INPP4A: variants seen among roughly 807,000 people sequenced by gnomAD.
INPP4A encodes the protein inositol polyphosphate-4-phosphatase type I A, also known as inositol polyphosphate-4-phosphatase, type I, 107kD.
A neutral mutation model predicts 119.8 loss-of-function variants in INPP4A; 33 were observed. The observed-to-expected ratio is 0.28, with a 90% CI of 0.21 to 0.37. INPP4A has a LOEUF of 0.37. Ranked by LOEUF, INPP4A falls within the 10% of genes least tolerant of loss-of-function variation. The probability of loss-of-function intolerance (pLI) is 1.00; values close to 1 mark genes in which losing one functional copy is unlikely to be tolerated. For synonymous variants in INPP4A, 496 were observed against 500.7 expected (o/e 0.99, Z 0.12); for missense variants, 956 against 1,289.9 (o/e 0.74, Z 3.97).
intron 8 of INPP4A, 133 bp downstream of exon 8, chr2:98,538,107 A>G: frequency 1.6e-6 from 1 of 630,902 alleles, no homozygotes; most frequent in South Asian, 1.9e-5. Flanking sequence ...CTCCCCACGG[A>G]CACTCCGGTC....
At chr2:98,515,340 TTCTC>T (rs1219387627) in intron 1 of INPP4A, among the ~76,000 whole-genome samples, 1 of 152,112 alleles carries the variant, frequency 6.6e-6, no homozygotes, top group Non-Finnish European at 1.5e-5. Context: ...TCATTTTACT[TTCTC>T]TCTTGTGCTG....
At chr2:98,495,128 A>G (rs72821920) in intron 1 of INPP4A, among the ~76,000 whole-genome samples, 36,945 of 152,108 alleles carry the variant, frequency 0.24, 4,637 homozygotes, top group Middle Eastern at 0.35. Flanking sequence ...CAGAGTTGCT[A>G]CAGTGTCTTA....
chr2:98,474,973 G>C (rs1250202641), intron 1 of INPP4A, among the ~76,000 whole-genome samples: 2 of 152,016 alleles, frequency 1.3e-5, no homozygotes, highest in Non-Finnish European at 2.9e-5. Flanking sequence ...AGGAGACAAG[G>C]GTGTACACTG....
intron 14 of INPP4A, among the ~76,000 whole-genome samples, chr2:98,553,534 A>T (rs535584873): frequency 1.4e-4 from 22 of 152,084 alleles, no homozygotes; most frequent in Admixed American, 2.0e-4. Context: ...TCTCTCTCTC[A>T]GCGCACACAA....
intron 1 of INPP4A, among the ~76,000 whole-genome samples, chr2:98,468,374 T>C (rs1675222619): frequency 6.6e-6 from 1 of 152,106 alleles, no homozygotes; most frequent in Non-Finnish European, 1.5e-5. Context: ...TAGTTGGGAG[T>C]ACAGAAATGC....
At chr2:98,564,887 C>T in intron 19 of INPP4A, 124 bp downstream of exon 19, 3 of 1,195,510 alleles carry the variant, frequency 2.5e-6, no homozygotes, top group Non-Finnish European at 3.4e-6. Context: ...AAATATATAA[C>T]AGCAGACCAG....
At chr2:98,458,089 G>A (rs1696468915) in intron 1 of INPP4A, among the ~76,000 whole-genome samples, 1 of 151,786 alleles carries the variant, frequency 6.6e-6, no homozygotes, top group Admixed American at 6.6e-5. Flanking sequence ...AAAGTGCTTG[G>A]ATTGCAAGCA....
intron 23 of INPP4A, among the ~76,000 whole-genome samples, chr2:98,576,300 C>T (rs1559110102): frequency 6.6e-6 from 1 of 152,128 alleles, no homozygotes; most frequent in African/African-American, 2.4e-5. Flanking sequence ...AGGAGGTGCA[C>T]TCAGGTGGCC....
At position 98,572,819 on chromosome 2, in the gene INPP4A, G is replaced by T; in HGVS notation, c.2523G>T (p.Leu841=). The change falls in exon 23 of 25, where the codon CTG becomes CTT. Residue 841 remains leucine (L), a synonymous_variant. Transcript: ENST00000409851. ...QFKEVLPEDC[L]PRSRSQTCLP... ...CGAACTCCTTTTCTCTTCCAGGCCT[G>T]CCTCGGTCTCGCAGTCAGACGTGCC... The T allele has an allele frequency of 6.4e-7, 1 of 1,554,674 alleles. No individual in the cohort carries two copies. The highest frequency in any genetic ancestry group is 8.7e-7 in the Non-Finnish European group (1 of 1,149,650).
chr2:98,472,847 C>A (rs529728324), intron 1 of INPP4A, among the ~76,000 whole-genome samples: 1 of 152,378 alleles, frequency 6.6e-6, no homozygotes, highest in East Asian at 1.9e-4. Context: ...GTCCAGCCTC[C>A]AGGCCTCCCT....
chr2:98,458,796 T>A (rs72820002), intron 1 of INPP4A, among the ~76,000 whole-genome samples: 41,770 of 152,052 alleles, frequency 0.27, 5,786 homozygotes, highest in Middle Eastern at 0.35. Context: ...CCAGGGGGGA[T>A]GTGGCTCTGA....
chr2:98,566,194 CG>C lies in INPP4A; in HGVS notation c.2420+30del. ...GGTGCGTGCCGGCTCCTCGGGGCTG[CG>C]GGGGTGTGGTGGCCCTGGAGATGAT... On this transcript the variant is annotated intron_variant, in intron 21 of 24. Coordinates refer to ENST00000409851, the MANE Select transcript of INPP4A (RefSeq NM_001134225.2). This position sits in a 1 kb window ranked among gnomAD's most constrained non-coding sequence, Gnocchi z 4.2. The C allele has an allele frequency of 6.4e-7, 1 of 1,556,608 alleles. No individual in the cohort carries two copies. The highest frequency in any genetic ancestry group is 8.7e-7 in the Non-Finnish European group (1 of 1,147,284).
chr2:98,462,441 C>T (rs1673767776), intron 1 of INPP4A, among the ~76,000 whole-genome samples: 1 of 152,076 alleles, frequency 6.6e-6, no homozygotes, highest in South Asian at 2.1e-4. Context: ...GATGGAGACT[C>T]TGTCTCAAAA....
At chr2:98,506,491 C>T (rs1238079659) in intron 1 of INPP4A, among the ~76,000 whole-genome samples, 1 of 152,230 alleles carries the variant, frequency 6.6e-6, no homozygotes, top group African/African-American at 2.4e-5. Context: ...GTTGTTGTTG[C>T]TCACACTTAT....
intron 1 of INPP4A, among the ~76,000 whole-genome samples, chr2:98,453,682 C>T (rs1337379303): frequency 6.6e-6 from 1 of 152,128 alleles, no homozygotes; most frequent in African/African-American, 2.4e-5. Flanking sequence ...AACCAATGAC[C>T]TAAAACCAGA....
intron 22 of INPP4A, 97 bp from the exon 23 acceptor site, chr2:98,572,718 C>T: frequency 5.4e-6 from 4 of 734,036 alleles, no homozygotes; most frequent in Non-Finnish European, 8.9e-6. Flanking sequence ...CATTGTTTTA[C>T]CACTGTGTGC....
At chr2:98,562,370 C>T (rs1208437318) in intron 17 of INPP4A, among the ~76,000 whole-genome samples, 3 of 152,202 alleles carry the variant, frequency 2.0e-5, no homozygotes, top group Non-Finnish European at 2.9e-5. Context: ...TGCTAACCAT[C>T]CAGCTTGAGA....
rs73964094 is a variant in INPP4A at position 98,549,524 on chromosome 2, G to A, written c.1163+2830G>A. On this transcript the variant is annotated intron_variant, in intron 13 of 24. Coordinates refer to ENST00000409851, the MANE Select transcript of INPP4A (RefSeq NM_001134225.2). ...GACTTTTTCCACCAGATAATTAGAT[G>A]ACAGTTAGAAACCACGGTGTCTGCT... is the stretch of plus-strand genomic sequence containing the variant. 4.5e-3 allele frequency among the ~76,000 whole-genome samples: 679 copies of A among 152,226 alleles called. 6 individuals are homozygous for A. Among genetic ancestry groups the A allele is most frequent in the African/African-American group, 0.015 (636 of 41,528 alleles).
rs1700314891 is a variant in INPP4A, at chr2:98,590,441, C to T, written c.*2833C>T. ...GGTGACTCTGAGCAAGTTGCTTGACCTCTCCAAGCCTCCGTTTCCTCATGT... is the reference window on the plus strand; with the variant it reads ...GGTGACTCTGAGCAAGTTGCTTGACTTCTCCAAGCCTCCGTTTCCTCATGT... On this transcript the variant is annotated 3_prime_UTR_variant, in exon 25 of 25. Transcript: ENST00000409851. 1 of 188,554 alleles carries T rather than the reference C, an allele frequency of 5.3e-6. No homozygotes were observed. The highest frequency in any genetic ancestry group is 1.1e-5 in the Non-Finnish European group (1 of 89,650). 11.7% of individuals were successfully genotyped at this position (188,554 alleles called of 1,614,324 possible).
Sources: gnomAD v4.1 joint callset for allele counts (sites outside exome capture counted in the v4.1 genomes callset) on GRCh38, gnomAD v4.1.1 for gene constraint, Gnocchi (gnomAD v3.1) non-coding constraint, MANE v1.5 for transcripts, NCBI Gene and HGNC (gene_info 2026-07-23, HGNC 2026-07-21) for gene names.